Variants in CDH20 observed in about 807,000 individuals in gnomAD.
CDH20 encodes the protein cadherin 20.
Under a neutral mutation model 74.2 loss-of-function variants are expected in CDH20, and 29 were observed. The observed-to-expected ratio is 0.39, with a 90% CI of 0.29 to 0.53. CDH20 has a LOEUF of 0.53. Among genes scored for constraint, CDH20 ranks in the 20% least tolerant of loss-of-function variants. The pLI, the probability that CDH20 is intolerant of heterozygous loss-of-function variation, is 0.69. For missense variants in CDH20, 988 were observed against 1,048.3 expected (o/e 0.94, Z 0.79); for synonymous variants, 469 against 405.4 (o/e 1.16, Z -1.88).
chr18:61,512,698 T>C (rs1911827988), intron 6 of CDH20, among the ~76,000 whole-genome samples: 1 of 152,198 alleles, frequency 6.6e-6, no homozygotes, highest in African/African-American at 2.4e-5. Context: ...TTCTGGTATG[T>C]TGTGTCTTTG....
intron 1 of CDH20, among the ~76,000 whole-genome samples, chr18:61,362,486 A>G (rs377756139): frequency 4.6e-5 from 7 of 152,306 alleles, no homozygotes; most frequent in African/African-American, 1.7e-4. Context: ...TGAGGATACA[A>G]ACAAACAAAA....
chr18:61,541,497 TCAAA>T (rs1374206387), intron 9 of CDH20, among the ~76,000 whole-genome samples: 2 of 152,162 alleles, frequency 1.3e-5, no homozygotes, highest in Non-Finnish European at 2.9e-5. Flanking sequence ...GTTTTTGTAA[TCAAA>T]CAAACATAGT....
chr18:61,384,122 C>G (rs1303051626), intron 1 of CDH20, among the ~76,000 whole-genome samples: 2 of 152,160 alleles, frequency 1.3e-5, no homozygotes, highest in African/African-American at 4.8e-5. Flanking sequence ...GTGAAAATGG[C>G]TTACAAAACT....
At chr18:61,532,968 A>T (rs1037450327) in intron 7 of CDH20, among the ~76,000 whole-genome samples, 1 of 152,170 alleles carries the variant, frequency 6.6e-6, no homozygotes, top group African/African-American at 2.4e-5. Flanking sequence ...CTCTTAAATT[A>T]TTACCTGTGT....
chr18:61,518,107 G>A (rs1194073255), intron 6 of CDH20, among the ~76,000 whole-genome samples: 2 of 152,146 alleles, frequency 1.3e-5, no homozygotes, highest in Non-Finnish European at 2.9e-5. Context: ...TGAAAGAAAG[G>A]CAGCAGCCCC....
chr18:61,338,411 T>C (rs1909830352), intron 1 of CDH20, among the ~76,000 whole-genome samples: 1 of 152,156 alleles, frequency 6.6e-6, no homozygotes, highest in African/African-American at 2.4e-5. Context: ...CCTAATTACA[T>C]ATGGATTAAC....
chr18:61,439,296 T>A (rs1349298605), intron 1 of CDH20, among the ~76,000 whole-genome samples: 2 of 152,310 alleles, frequency 1.3e-5, no homozygotes, highest in Admixed American at 6.5e-5. Context: ...TCAGTTTTTT[T>A]AATAAATGGT....
intron 1 of CDH20, among the ~76,000 whole-genome samples, chr18:61,336,851 TA>T (rs200297985): frequency 4.6e-4 from 68 of 147,224 alleles, no homozygotes; most frequent in African/African-American, 1.3e-3. Flanking sequence ...CTTTTCACCC[TA>T]AAAAAAAAAT....
intron 10 of CDH20, among the ~76,000 whole-genome samples, chr18:61,546,016 TTCAAAAGAAAAAA>T (rs1246198538): frequency 6.6e-6 from 1 of 152,076 alleles, no homozygotes; most frequent in Non-Finnish European, 1.5e-5. Flanking sequence ...GATGATTTGC[TTCAAAAGAAAAAA>T]AAAGGTCAGG....
At chr18:61,366,330 T>C (rs1044230654) in intron 1 of CDH20, among the ~76,000 whole-genome samples, 3 of 152,162 alleles carry the variant, frequency 2.0e-5, no homozygotes, top group African/African-American at 7.2e-5. Flanking sequence ...TTTTTAAAGT[T>C]AGAAGGAAAG....
At chr18:61,517,694 T>TG (rs59273884) in intron 6 of CDH20, among the ~76,000 whole-genome samples, 141,961 of 151,100 alleles carry the variant, frequency 0.94, 66,580 homozygotes, top group East Asian at 0.99. Flanking sequence ...CTGCAGTTTT[T>TG]TTTGTTGTTG....
At position 61,347,329 on chromosome 18, in the gene CDH20, C is replaced by T. The variant is rs962185788; in HGVS notation, c.-153+13502C>T. ...ATATATATATATATATACACACACA[C>T]ACACACACACACACACACACACATA... On this transcript the variant is annotated intron_variant, in intron 1 of 11. Transcript: ENST00000262717. 6.9e-3 allele frequency among the ~76,000 whole-genome samples: 890 copies of T among 129,586 alleles called. 12 individuals carry two copies. Among genetic ancestry groups the T allele is most frequent in the African/African-American group, 0.029 (763 of 26,172 alleles). The allele number at this position is 129,586 out of a possible 152,430, so 85.0% of individuals were successfully genotyped here.
At chr18:61,369,606 C>T (rs892495951) in intron 1 of CDH20, among the ~76,000 whole-genome samples, 3 of 152,046 alleles carry the variant, frequency 2.0e-5, no homozygotes, top group African/African-American at 7.2e-5. Flanking sequence ...GGTAAAAACA[C>T]ATGCACACGT....
chr18:61,438,826 T>G (rs1198957706), intron 1 of CDH20, among the ~76,000 whole-genome samples: 1 of 152,142 alleles, frequency 6.6e-6, no homozygotes, highest in Admixed American at 6.6e-5. Flanking sequence ...ACAGCACCAT[T>G]CGCAATACCA....
At chr18:61,424,214 GT>G (rs1308390998) in intron 1 of CDH20, among the ~76,000 whole-genome samples, 1 of 152,198 alleles carries the variant, frequency 6.6e-6, no homozygotes, top group Non-Finnish European at 1.5e-5. Context: ...ACTTTTTTGT[GT>G]TGGAAACATT....
intron 1 of CDH20, among the ~76,000 whole-genome samples, chr18:61,469,783 C>G (rs1910098385): frequency 6.6e-6 from 1 of 152,268 alleles, no homozygotes; most frequent in East Asian, 1.9e-4. Flanking sequence ...CCTATATACA[C>G]ATGAAATTAA....
chr18:61,538,412 T>C (rs1184893054), intron 8 of CDH20, among the ~76,000 whole-genome samples: 2 of 151,806 alleles, frequency 1.3e-5, no homozygotes, highest in Non-Finnish European at 2.9e-5. Flanking sequence ...ACCCTTCCCT[T>C]CATACTGCTG....
At chr18:61,481,452 C>T (rs991074163) in intron 1 of CDH20, among the ~76,000 whole-genome samples, 6 of 152,092 alleles carry the variant, frequency 3.9e-5, no homozygotes, top group Non-Finnish European at 7.4e-5. Flanking sequence ...TCTTAAACCG[C>T]GATGTCCTGA....
intron 1 of CDH20, among the ~76,000 whole-genome samples, chr18:61,461,481 C>T (rs1460593540): frequency 6.6e-6 from 1 of 152,102 alleles, no homozygotes; most frequent in East Asian, 1.9e-4. Flanking sequence ...CCAGGCATCC[C>T]TTGGTGTGTA....
Sources: allele counts gnomAD v4.1 joint callset (sites outside exome capture counted in the v4.1 genomes callset), GRCh38; gene constraint gnomAD v4.1.1; transcripts MANE v1.5; gene names NCBI Gene and HGNC (gene_info 2026-07-23, HGNC 2026-07-21).